Variants in EIF4E3 observed in about 807,000 individuals in gnomAD.
EIF4E3 encodes the protein eukaryotic translation initiation factor 4E family member 3.
EIF4E3 carries 26 observed loss-of-function variants against 31.7 expected under a neutral mutation model. The ratio of observed to expected loss-of-function variants is 0.82; its 90% CI spans 0.60 to 1.14. EIF4E3 has a LOEUF of 1.14. Ranked by LOEUF, EIF4E3 falls within the 50% of genes most tolerant of loss-of-function variation. The pLI is 0.00. For synonymous variants in EIF4E3, 128 were observed against 107.7 expected (o/e 1.19, Z -1.17); for missense variants, 304 against 270.9 (o/e 1.12, Z -0.86).
At chr3:71,712,759 T>C (rs1190642974) in intron 1 of EIF4E3, among the ~76,000 whole-genome samples, 1 of 151,884 alleles carries the variant, frequency 6.6e-6, no homozygotes, top group Admixed American at 6.6e-5. Context: ...ATTTGAAAGG[T>C]TTATAATGAG....
At chr3:71,670,413 C>A in the EIF4E3 span, among the ~76,000 whole-genome samples, 3 of 151,824 alleles carry the variant, frequency 2.0e-5, no homozygotes, top group African/African-American at 7.3e-5. Context: ...CTCCATTGCA[C>A]CCCCCCAACC....
chr3:71,705,823 T>A (rs2049286023), intron 2 of EIF4E3, among the ~76,000 whole-genome samples: 1 of 152,216 alleles, frequency 6.6e-6, no homozygotes, highest in African/African-American at 2.4e-5. Flanking sequence ...GATGTGGGTC[T>A]TGCCATGTTT....
chr3:71,702,812 T>TGTCTGC (rs1002256866), intron 2 of EIF4E3, among the ~76,000 whole-genome samples: 3 of 151,850 alleles, frequency 2.0e-5, no homozygotes, highest in African/African-American at 7.3e-5. Flanking sequence ...TTGTGAAGTA[T>TGTCTGC]GTCTGCTGGT....
the EIF4E3 span, among the ~76,000 whole-genome samples, chr3:71,664,928 G>C: frequency 3.9e-5 from 6 of 152,146 alleles, no homozygotes; most frequent in African/African-American, 1.4e-4. Flanking sequence ...TACAGCTGGA[G>C]CATGAAGATG....
chr3:71,699,746 A>G, intron 2 of EIF4E3, 38 bp from the exon 3 acceptor site: 5 of 1,537,294 alleles, frequency 3.3e-6, no homozygotes, highest in Non-Finnish European at 4.5e-6. Flanking sequence ...TAATATACCC[A>G]GTATTGATTT....
intron 5 of EIF4E3, among the ~76,000 whole-genome samples, chr3:71,691,403 T>C (rs1393092932): frequency 2.0e-5 from 3 of 152,228 alleles, no homozygotes; most frequent in African/African-American, 7.2e-5. Context: ...TTCCCTTCTC[T>C]TTCTCCCCCT....
chr3:71,695,621 G>A (rs1302981259), intron 4 of EIF4E3, among the ~76,000 whole-genome samples: 1 of 152,120 alleles, frequency 6.6e-6, no homozygotes, highest in Non-Finnish European at 1.5e-5. Context: ...TTGACTAATA[G>A]TTTGCACCTT....
intron 1 of EIF4E3, among the ~76,000 whole-genome samples, chr3:71,741,334 T>G: frequency 6.6e-6 from 1 of 152,140 alleles, no homozygotes; most frequent in Non-Finnish European, 1.5e-5. Flanking sequence ...GAAGGTACAT[T>G]GTGCTAATTC....
At chr3:71,670,445 C>T (rs923842870), downstream of EIF4E3, among the ~76,000 whole-genome samples, 3 of 152,216 alleles carry the variant, frequency 2.0e-5, no homozygotes, top group Admixed American at 2.0e-4. Flanking sequence ...AGCCACGGCC[C>T]TCGTCTCAGC....
chr3:71,696,496 AC>A lies in EIF4E3; in HGVS notation c.368del (p.Gly123ValfsTer6). On this transcript the variant is annotated frameshift_variant, in exon 4 of 7. Coordinates refer to ENST00000425534, the MANE Select transcript of EIF4E3 (RefSeq NM_001134651.2). LOFTEE classifies it high-confidence loss of function. ...PLWEEESNAKGGVWKMKVPKD... is the reference protein window; with the variant it reads ...PLWEEESNAKXGVWKMKVPKD... ...TGGGGACTTTCATCTTCCATACGCC[AC>A]CCTTTGCATTACTCTCCTCTTCCCT... is the stretch of plus-strand genomic sequence containing the variant. 1 of 1,614,054 alleles carries A rather than the reference AC, an allele frequency of 6.2e-7. No individual in the cohort carries two copies. The highest frequency in any genetic ancestry group is 8.5e-7 in the Non-Finnish European group (1 of 1,180,016).
chr3:71,689,456 A>G (rs1186876733), intron 6 of EIF4E3, among the ~76,000 whole-genome samples: 2 of 152,226 alleles, frequency 1.3e-5, no homozygotes, highest in African/African-American at 4.8e-5. Context: ...CAATGGGTCC[A>G]CACACCTATT....
Position 71,684,700 on chromosome 3 carries a change from A to T in EIF4E3, c.657T>A (p.Gly219=). ...AGTGCAATTAGTGTTTTCCACGTCC[A>T]CCTTCAAAAGCATGATGCTCTTCAT... ...KPHEEHHAFE[G]GRGKH The change falls in exon 7 of 7, where the codon GGT becomes GGA. Residue 219 remains glycine, a synonymous_variant. Transcript: ENST00000425534. 6.2e-7 allele frequency: 1 copy of T among 1,614,098 alleles called. No individual in the cohort carries two copies. Among genetic ancestry groups the T allele is most frequent in the Non-Finnish European group, 8.5e-7 (1 of 1,179,974 alleles).
At chr3:71,663,518 C>CAGGG in the EIF4E3 span, among the ~76,000 whole-genome samples, 1 of 152,208 alleles carries the variant, frequency 6.6e-6, no homozygotes, top group African/African-American at 2.4e-5. Context: ...GGCTCTAAGG[C>CAGGG]AGGGCCCTTG....
chr3:71,695,391 T>C (rs140163164), intron 4 of EIF4E3, among the ~76,000 whole-genome samples: 1 of 152,328 alleles, frequency 6.6e-6, no homozygotes, highest in Admixed American at 6.5e-5. Context: ...CAAAACTGCC[T>C]TTCAGCCGCT....
chr3:71,661,512 T>G, the EIF4E3 span, among the ~76,000 whole-genome samples: 30 of 152,278 alleles, frequency 2.0e-4, no homozygotes, highest in South Asian at 2.7e-3. Context: ...CCATTTCCCA[T>G]GCGTCAAATA....
intron 1 of EIF4E3, among the ~76,000 whole-genome samples, chr3:71,750,746 C>CG (rs2049918501): frequency 6.6e-6 from 1 of 150,564 alleles, no homozygotes; most frequent in African/African-American, 2.5e-5. Context: ...ATAGGGAGAC[C>CG]CCATCTCTAC....
At chr3:71,752,699 T>G (rs1435696708) in intron 1 of EIF4E3, among the ~76,000 whole-genome samples, 1 of 152,178 alleles carries the variant, frequency 6.6e-6, no homozygotes, top group Non-Finnish European at 1.5e-5. Flanking sequence ...AGAGCATGAT[T>G]TTTAAAAAGA....
chr3:71,713,344 C>CATAT (rs968726257), intron 1 of EIF4E3, among the ~76,000 whole-genome samples: 1 of 152,216 alleles, frequency 6.6e-6, no homozygotes, highest in Non-Finnish European at 1.5e-5. Flanking sequence ...CCATTCAAGC[C>CATAT]ATATACACAC....
rs1051288158 is a variant in EIF4E3, at chr3:71,679,673, G to A, written c.*5009C>T. On this transcript the variant is annotated 3_prime_UTR_variant, in exon 7 of 7. Coordinates refer to ENST00000425534, the MANE Select transcript of EIF4E3 (RefSeq NM_001134651.2). ...TTGCTTATCACTCACATCGTTTAGG[G>A]AATACTTATTTGATTTTTTTGACAT... is the stretch of plus-strand genomic sequence containing the variant. 8 of 152,116 alleles carry A rather than the reference G, an allele frequency of 5.3e-5. No homozygotes were observed. The highest frequency in any genetic ancestry group is 2.0e-4 in the Admixed American group (3 of 15,270). The allele number at this position is 152,116 out of a possible 1,614,324, so 9.4% of individuals were successfully genotyped here.
Sources: allele counts gnomAD v4.1 joint callset (sites outside exome capture counted in the v4.1 genomes callset), GRCh38; gene constraint gnomAD v4.1.1; transcripts MANE v1.5; gene names NCBI Gene and HGNC (gene_info 2026-07-23, HGNC 2026-07-21).